The following KCTD1 variants were observed in gnomAD, a reference collection of about 807,000 sequenced individuals.
KCTD1 encodes the protein BTB/POZ domain-containing protein KCTD1.
In KCTD1, 24 loss-of-function variants were observed where a neutral mutation model predicts 66.0. The ratio of observed to expected loss-of-function variants is 0.36; its 90% confidence interval spans 0.26 to 0.51. The LOEUF (loss-of-function observed/expected upper bound fraction) is 0.51, where lower values mean the gene tolerates loss of function less well. Ranked by LOEUF, KCTD1 falls within the 20% of genes least tolerant of loss-of-function variation. The pLI, the probability that KCTD1 is intolerant of heterozygous loss-of-function variation, is 0.95. For synonymous variants in KCTD1, 511 were observed against 517.2 expected (o/e 0.99, Z 0.16); for missense variants, 943 against 1,205.2 (o/e 0.78, Z 3.22).
chr18:26,549,193 G>A, upstream of KCTD1: 2 of 985,832 alleles, frequency 2.0e-6, no homozygotes, highest in African/African-American at 3.5e-5. Context: ...CGCAGCGGGC[G>A]AGGCTTGGGA....
chr18:26,500,650 C>T (rs1982712872), intron 2 of KCTD1, among the ~76,000 whole-genome samples: 1 of 152,108 alleles, frequency 6.6e-6, no homozygotes, highest in African/African-American at 2.4e-5. Flanking sequence ...TGCCTCACTG[C>T]TGAGAATCTC....
intron 1 of KCTD1, among the ~76,000 whole-genome samples, chr18:26,558,620 A>G (rs1401498692): frequency 6.6e-6 from 1 of 152,222 alleles, no homozygotes; most frequent in Non-Finnish European, 1.5e-5. Context: ...AGTACTATTC[A>G]GCCATAAAAA....
intron 1 of KCTD1, among the ~76,000 whole-genome samples, chr18:26,570,629 T>C: frequency 6.6e-6 from 1 of 152,184 alleles, no homozygotes; most frequent in East Asian, 1.9e-4. Context: ...CAGGCTGGTC[T>C]GGAACTCTCA....
At chr18:26,508,734 A>G (rs1278625470) in intron 1 of KCTD1, among the ~76,000 whole-genome samples, 3 of 151,024 alleles carry the variant, frequency 2.0e-5, no homozygotes, top group Non-Finnish European at 4.4e-5. Flanking sequence ...TCTCTCACAC[A>G]CACACACACA....
chr18:26,629,573 G>A (rs989810457), upstream of KCTD1, among the ~76,000 whole-genome samples: 1 of 152,086 alleles, frequency 6.6e-6, no homozygotes, highest in Non-Finnish European at 1.5e-5. Context: ...GCCTAGTTTG[G>A]GCAATGGACC....
At chr18:26,586,269 T>C (rs1986469752) in intron 1 of KCTD1, among the ~76,000 whole-genome samples, 1 of 152,234 alleles carries the variant, frequency 6.6e-6, no homozygotes. Flanking sequence ...TTATTATATC[T>C]GTAATGGTGA....
At position 26,547,169 on chromosome 18, in the gene KCTD1, G is replaced by A; in HGVS notation, c.1368C>T (p.Val456=). ...CGATGCTGTTGAGCGTGGCGATGGAGACGGCGCCGATGCAGTGGTTGGTGT... is the reference window on the plus strand; with the variant it reads ...CGATGCTGTTGAGCGTGGCGATGGAAACGGCGCCGATGCAGTGGTTGGTGT... ...KTYTNHCIGA[V]SIATLNSIAG... Residue 456 remains valine, a synonymous_variant, in exon 1 of 5, where the codon GTC becomes GTT. Coordinates refer to ENST00000580059, the MANE Select transcript of KCTD1 (RefSeq NM_001142730.3). 1 of 1,551,208 alleles carries A rather than the reference G, an allele frequency of 6.4e-7. No homozygotes were observed. The highest frequency in any genetic ancestry group is 8.7e-7 in the Non-Finnish European group (1 of 1,147,000).
intron 1 of KCTD1, among the ~76,000 whole-genome samples, chr18:26,503,343 T>C (rs2144687888): frequency 1.3e-5 from 2 of 152,272 alleles, no homozygotes; most frequent in Middle Eastern, 3.4e-3. Context: ...GTAGGAAATA[T>C]GAAACAGGTA....
chr18:26,549,562 C>T (rs1985461669), upstream of KCTD1: 1 of 703,292 alleles, frequency 1.4e-6, no homozygotes, highest in Non-Finnish European at 1.7e-6. Context: ...GCGCCGCCCT[C>T]CCTGCCCCTG....
chr18:26,471,859 G>T (rs1011793930), intron 3 of KCTD1, among the ~76,000 whole-genome samples: 1 of 152,290 alleles, frequency 6.6e-6, no homozygotes, highest in Admixed American at 6.5e-5. Context: ...GTGGGAGGGG[G>T]TAGACCAATT....
chr18:26,646,161 A>G (rs1480736028), intron 1 of KCTD1, among the ~76,000 whole-genome samples: 5 of 152,248 alleles, frequency 3.3e-5, no homozygotes, highest in African/African-American at 1.2e-4. Flanking sequence ...CAATATATTA[A>G]CAAAAATGAT....
At chr18:26,467,113 GGT>G (rs1328009500) in intron 3 of KCTD1, among the ~76,000 whole-genome samples, 1 of 151,696 alleles carries the variant, frequency 6.6e-6, no homozygotes, top group Admixed American at 6.6e-5. Flanking sequence ...CAGTCTGAGT[GGT>G]GGGAACATAC....
At chr18:26,536,243 T>C (rs1020638417) in intron 1 of KCTD1, among the ~76,000 whole-genome samples, 1 of 152,188 alleles carries the variant, frequency 6.6e-6, no homozygotes, top group Non-Finnish European at 1.5e-5. Flanking sequence ...TATGACAGGG[T>C]ACCAGTTCTG....
At chr18:26,579,444 AC>A (rs1986302644) in intron 1 of KCTD1, among the ~76,000 whole-genome samples, 1 of 152,132 alleles carries the variant, frequency 6.6e-6, no homozygotes, top group South Asian at 2.1e-4. Flanking sequence ...CCCAGAGAAA[AC>A]GAAAATTGTA....
intron 1 of KCTD1, among the ~76,000 whole-genome samples, chr18:26,646,420 C>T (rs1027133115): frequency 2.6e-5 from 4 of 152,116 alleles, no homozygotes; most frequent in Admixed American, 6.5e-5. Flanking sequence ...GAAGATAGAG[C>T]GTATATAAAC....
intron 1 of KCTD1, among the ~76,000 whole-genome samples, chr18:26,564,611 C>T (rs1985938513): frequency 1.3e-5 from 2 of 152,076 alleles, no homozygotes; most frequent in South Asian, 4.1e-4. Flanking sequence ...AGTTTCAGGC[C>T]AGGCACAGTG....
At chr18:26,481,095 T>A (rs1306491245) in intron 2 of KCTD1, among the ~76,000 whole-genome samples, 1 of 152,240 alleles carries the variant, frequency 6.6e-6, no homozygotes, top group Non-Finnish European at 1.5e-5. Flanking sequence ...ATCATTCAGT[T>A]ACTCATTCAC....
At chr18:26,484,795 G>A (rs1309135154) in intron 2 of KCTD1, among the ~76,000 whole-genome samples, 1 of 152,194 alleles carries the variant, frequency 6.6e-6, no homozygotes, top group Non-Finnish European at 1.5e-5. Context: ...AAGGCCTCCT[G>A]CTGGAGGCAA....
intron 4 of KCTD1, chr18:26,458,117 A>G (rs1980197203): frequency 6.6e-6 from 1 of 151,994 alleles, no homozygotes; most frequent in South Asian, 2.1e-4. Flanking sequence ...AGCACCACAC[A>G]CCTCCAGGGG....
Sources: gnomAD v4.1 joint callset for allele counts (sites outside exome capture counted in the v4.1 genomes callset) on GRCh38, gnomAD v4.1.1 for gene constraint, MANE v1.5 for transcripts, NCBI Gene and HGNC (gene_info 2026-07-23, HGNC 2026-07-21) for gene names.